Variants in FTO observed in about 807,000 individuals in gnomAD.
The protein encoded by FTO is FTO alpha-ketoglutarate dependent dioxygenase, also known as alpha-ketoglutarate-dependent dioxygenase FTO.
FTO carries 47 observed loss-of-function variants against 63.9 expected under a neutral mutation model. The ratio of observed to expected loss-of-function variants is 0.74; its 90% CI spans 0.58 to 0.94. The LOEUF is 0.94. Ranked by LOEUF, FTO falls within the 40% of genes least tolerant of loss-of-function variation. FTO has a pLI of 0.00. For missense variants in FTO, 562 were observed against 618.1 expected (o/e 0.91, Z 0.96); for synonymous variants, 207 against 224.4 (o/e 0.92, Z 0.69).
chr16:53,767,542 T>C (rs997246222), intron 1 of FTO, among the ~76,000 whole-genome samples: 1 of 151,974 alleles, frequency 6.6e-6, no homozygotes, highest in Non-Finnish European at 1.5e-5. Flanking sequence ...ATAATCTGAC[T>C]TTTTTATTTT....
At chr16:54,010,639 C>T (rs748895667) in intron 8 of FTO, among the ~76,000 whole-genome samples, 16 of 152,076 alleles carry the variant, frequency 1.1e-4, no homozygotes, top group Non-Finnish European at 1.8e-4. Context: ...CCTTCTCTAC[C>T]TCCTGATTTC....
intron 7 of FTO, among the ~76,000 whole-genome samples, chr16:53,891,351 T>C (rs2081144493): frequency 6.6e-6 from 1 of 151,558 alleles, no homozygotes; most frequent in African/African-American, 2.4e-5. Context: ...AAGAGCTTTT[T>C]TTTTTTTATT....
At chr16:53,783,789 G>GA (rs999158734) in intron 1 of FTO, among the ~76,000 whole-genome samples, 4,833 of 145,680 alleles carry the variant, frequency 0.033, 86 homozygotes, top group South Asian at 0.081. Context: ...CTTTGTCTCG[G>GA]AAAAAAAAAA....
At position 53,888,899 on chromosome 16, in the gene FTO, G is replaced by A; in HGVS notation, c.1187G>A (p.Trp396Ter). 6.2e-7 allele frequency: 1 copy of A among 1,614,024 alleles called. No individual in the cohort carries two copies. The highest frequency in any genetic ancestry group is 8.5e-7 in the Non-Finnish European group (1 of 1,179,898). ...GNRYRKCTDW[W>*]CQPMAQLEAL... ...CGATACAGAAAGTGCACTGACTGGT[G>A]GTGTCAACCCATGGCTCAACTGGAA... Residue 396 changes from tryptophan (W) to a stop codon, truncating the protein, a stop_gained, in exon 7 of 9, where the codon TGG (tryptophan) becomes TAG (stop). Coordinates refer to ENST00000471389, the MANE Select transcript of FTO (RefSeq NM_001080432.3). LOFTEE classifies it high-confidence loss of function.
intron 8 of FTO, among the ~76,000 whole-genome samples, chr16:54,048,113 A>T (rs1227135721): frequency 7.3e-5 from 6 of 82,304 alleles, no homozygotes; most frequent in African/African-American, 1.2e-4. Flanking sequence ...AGAGTATAAT[A>T]AAAAAAAAAA....
At chr16:53,845,365 T>C (rs1165247794) in intron 4 of FTO, among the ~76,000 whole-genome samples, 1 of 152,172 alleles carries the variant, frequency 6.6e-6, no homozygotes, top group Non-Finnish European at 1.5e-5. Context: ...CCAGGTACTG[T>C]GTAAGGTTCC....
chr16:53,935,515 T>C (rs1307813274), intron 8 of FTO: 3 of 152,206 alleles, frequency 2.0e-5, no homozygotes, highest in Non-Finnish European at 2.9e-5. Flanking sequence ...CCTTCCCCCA[T>C]CTTTTTGGTG....
chr16:54,003,666 G>T (rs2084125485), intron 8 of FTO, among the ~76,000 whole-genome samples: 1 of 152,068 alleles, frequency 6.6e-6, no homozygotes, highest in Non-Finnish European at 1.5e-5. Context: ...TCCCCATATA[G>T]AATTTTCTAT....
chr16:53,979,342 G>C (rs910574911), intron 8 of FTO: 7 of 398,264 alleles, frequency 1.8e-5, no homozygotes, highest in Non-Finnish European at 1.8e-5. Context: ...ATGGATGTTT[G>C]AATAAAATAT....
intron 1 of FTO, among the ~76,000 whole-genome samples, chr16:53,773,304 T>C (rs1020986962): frequency 1.3e-5 from 2 of 152,122 alleles, no homozygotes; most frequent in African/African-American, 4.8e-5. Flanking sequence ...TTCTCTGAAC[T>C]CCTAAGTTGA....
intron 8 of FTO, among the ~76,000 whole-genome samples, chr16:54,048,910 A>G (rs1425227893): frequency 6.6e-6 from 1 of 152,228 alleles, no homozygotes; most frequent in East Asian, 1.9e-4. Flanking sequence ...AACATCTAAT[A>G]TAAATCTGTA....
chr16:53,893,168 G>A (rs918758485), intron 7 of FTO, among the ~76,000 whole-genome samples: 1 of 152,084 alleles, frequency 6.6e-6, no homozygotes, highest in Non-Finnish European at 1.5e-5. Context: ...GAGCCATTAA[G>A]CCCAAAGCAA....
At chr16:54,036,956 T>C (rs1169080966) in intron 8 of FTO, among the ~76,000 whole-genome samples, 1 of 152,172 alleles carries the variant, frequency 6.6e-6, no homozygotes, top group African/African-American at 2.4e-5. Context: ...TAGAAAGTTG[T>C]CAGTCTTTGA....
At chr16:53,997,234 A>G (rs1474889163) in intron 8 of FTO, among the ~76,000 whole-genome samples, 16 of 151,962 alleles carry the variant, frequency 1.1e-4, no homozygotes, top group Non-Finnish European at 1.8e-4. Flanking sequence ...AGAGAAAGAA[A>G]GAAAGAAAGA....
At chr16:54,102,918 C>T (rs2086668864) in intron 8 of FTO, among the ~76,000 whole-genome samples, 1 of 151,568 alleles carries the variant, frequency 6.6e-6, no homozygotes, top group Non-Finnish European at 1.5e-5. Context: ...TTTGAGAGGC[C>T]AAGGCAGGAG....
intron 4 of FTO, among the ~76,000 whole-genome samples, chr16:53,863,701 C>T (rs967633423): frequency 2.6e-5 from 4 of 152,184 alleles, no homozygotes; most frequent in African/African-American, 9.7e-5. Context: ...ATAGAATGCT[C>T]GCTACAGAGG....
At chr16:53,835,512 C>T (rs1457073935) in intron 3 of FTO, among the ~76,000 whole-genome samples, 2 of 152,050 alleles carry the variant, frequency 1.3e-5, no homozygotes, top group Non-Finnish European at 2.9e-5. Context: ...TTTTCAGAAT[C>T]GTAGTGACAT....
At chr16:54,020,959 A>G (rs1288925445) in intron 8 of FTO, among the ~76,000 whole-genome samples, 1 of 152,152 alleles carries the variant, frequency 6.6e-6, no homozygotes, top group African/African-American at 2.4e-5. Context: ...CAACAGAGTG[A>G]GACTTTGTCT....
rs913372344 is a variant in FTO, at chr16:53,796,740, C to T, written c.46-13400C>T. 3.3e-5 allele frequency among the ~76,000 whole-genome samples: 5 copies of T among 152,248 alleles called. 1 individual carries two copies. The South Asian group carries it at 6.2e-4, about 19-fold the overall frequency. On this transcript the variant is annotated intron_variant, in intron 1 of 8. Coordinates refer to ENST00000471389, the MANE Select transcript of FTO (RefSeq NM_001080432.3). ...GACAGCAGGCCCAGTTTTATAGGCA[C>T]GTTAAACCAAATTTAAGTAATCCTT...
Sources: gnomAD v4.1 joint callset for allele counts (sites outside exome capture counted in the v4.1 genomes callset) on GRCh38, gnomAD v4.1.1 for gene constraint, MANE v1.5 for transcripts, NCBI Gene and HGNC (gene_info 2026-07-23, HGNC 2026-07-21) for gene names.